The following BOLL variants were observed in gnomAD, a reference collection of about 807,000 sequenced individuals.
The protein encoded by BOLL is boule RNA binding protein.
BOLL carries 23 observed loss-of-function variants against 44.4 expected under a neutral mutation model. That is an observed-to-expected ratio of 0.52 (90% CI 0.37 to 0.73). The LOEUF (loss-of-function observed/expected upper bound fraction) is 0.73, where lower values mean the gene tolerates loss of function less well. Among genes scored for constraint, BOLL ranks in the 30% least tolerant of loss-of-function variants. BOLL has a pLI of 0.00. For missense variants in BOLL, 287 were observed against 338.3 expected (o/e 0.85, Z 1.19); for synonymous variants, 97 against 110.8 (o/e 0.88, Z 0.78).
In BOLL at chr2:197,779,028, A is replaced by G. The variant is rs781557034; in HGVS notation, c.168T>C (p.Tyr56=). 1.7e-5 allele frequency: 28 copies of G among 1,611,322 alleles called. No individual in the cohort carries two copies. In the South Asian group the frequency reaches 3.1e-4, roughly 18 times the overall value. ...ESDLRKFFSQ[Y]GSVKEVKIVN... Reference sequence around the variant, plus strand: ...CAATCTTCACTTCTTTCACAGACCCATACTGGGAAAAAAATTTTCTTAAAT... The same window carrying G: ...CAATCTTCACTTCTTTCACAGACCCGTACTGGGAAAAAAATTTTCTTAAAT... The change falls in exon 3 of 11, where the codon TAT becomes TAC. Residue 56 remains tyrosine, a synonymous_variant. Coordinates refer to ENST00000392296, the MANE Select transcript of BOLL (RefSeq NM_033030.6).
intron 1 of BOLL, chr2:197,784,608 T>A: frequency 1.9e-6 from 1 of 532,638 alleles, no homozygotes; most frequent in Non-Finnish European, 2.4e-6. Context: ...TTTTTTTGTA[T>A]TAGTAGAGAT....
intron 10 of BOLL, among the ~76,000 whole-genome samples, chr2:197,739,240 A>T (rs1438074821): frequency 6.6e-6 from 1 of 152,154 alleles, no homozygotes; most frequent in African/African-American, 2.4e-5. Context: ...CTCTAACAAA[A>T]GAGGAATTGG....
rs1686910805 is a variant in BOLL, at chr2:197,727,803, ATAAAT to A, written c.*747_*751del. ...CATATTTTATAAAATTTGATACCAA[ATAAAT>A]TATGTTATAGGAAGATTTCAATATT... On this transcript the variant is annotated 3_prime_UTR_variant, in exon 11 of 11. Transcript: ENST00000392296. 1 of 152,328 alleles carries A rather than the reference ATAAAT, an allele frequency of 6.6e-6. No homozygotes were observed. Among genetic ancestry groups the A allele is most frequent in the African/African-American group, 2.4e-5 (1 of 41,450 alleles). 9.4% of individuals were successfully genotyped at this position (152,328 alleles called of 1,614,324 possible).
Position 197,729,792 on chromosome 2 carries a change from C to G in BOLL, c.829-1214G>C, listed in dbSNP as rs1687061193. Among the ~76,000 whole-genome samples the G allele has an allele frequency of 1.3e-4, 19 of 151,484 alleles. No homozygotes were observed. The South Asian group carries it at 4.0e-3, about 32-fold the overall frequency. ...GAAAACTAACAAACAGAAAGGACAT[C>G]CACACCAAAAACCCATCTGTACATC... is the stretch of plus-strand genomic sequence containing the variant. On this transcript the variant is annotated intron_variant, in intron 10 of 10. Transcript: ENST00000392296.
chr2:197,781,359 A>G (rs1353974251), intron 2 of BOLL, among the ~76,000 whole-genome samples: 1 of 152,090 alleles, frequency 6.6e-6, no homozygotes, highest in African/African-American at 2.4e-5. Context: ...TCTCTTTTGA[A>G]AATTATAATA....
chr2:197,756,756 T>C (rs534015234), intron 8 of BOLL, among the ~76,000 whole-genome samples, 200 bp from the exon 9 acceptor site: 1 of 152,282 alleles, frequency 6.6e-6, no homozygotes, highest in African/African-American at 2.4e-5. Flanking sequence ...TTAAAGAATC[T>C]TATCATTGGT....
At chr2:197,755,850 A>C (rs1688493531) in intron 9 of BOLL, 2 of 152,250 alleles carry the variant, frequency 1.3e-5, no homozygotes, top group South Asian at 4.1e-4. Context: ...AGGTTTACCT[A>C]TGTAATAAAC....
chr2:197,785,369 G>A, upstream of BOLL: 1 of 985,694 alleles, frequency 1.0e-6, no homozygotes, highest in Non-Finnish European at 1.2e-6. This position sits in a 1 kb window ranked among gnomAD's most constrained non-coding sequence, Gnocchi z 6.7. Flanking sequence ...GCGGCGGGAC[G>A]GGGCGGGGCG....
rs962116173 is a variant in BOLL at position 197,774,766 on chromosome 2, TTTGA to T, written c.352+895_352+898del. 111 of 152,072 alleles carry T rather than the reference TTTGA, an allele frequency of 7.3e-4. 1 individual carries two copies. Among genetic ancestry groups the T allele is most frequent in the African/African-American group, 2.6e-3 (107 of 41,532 alleles). 9.4% of individuals were successfully genotyped at this position (152,072 alleles called of 1,614,324 possible). ...TTTTGTATTAACCTACTGAGGATAC[TTTGA>T]TTGTCTCCTAAATTAACAAATACTA... On this transcript the variant is annotated intron_variant, in intron 5 of 10. Coordinates refer to ENST00000392296, the MANE Select transcript of BOLL (RefSeq NM_033030.6).
intron 6 of BOLL, among the ~76,000 whole-genome samples, chr2:197,770,131 T>C (rs1228726152): frequency 6.6e-6 from 1 of 152,092 alleles, no homozygotes; most frequent in Non-Finnish European, 1.5e-5. Flanking sequence ...CAAAACAGCA[T>C]AGTACTGGTA....
At chr2:197,746,268 T>A (rs1276754844) in intron 9 of BOLL, among the ~76,000 whole-genome samples, 1 of 152,194 alleles carries the variant, frequency 6.6e-6, no homozygotes, top group Admixed American at 6.5e-5. Flanking sequence ...AATACTATCA[T>A]GTGATCTAGA....
At chr2:197,759,095 C>T (rs1410668244) in intron 7 of BOLL, 7 of 973,858 alleles carry the variant, frequency 7.2e-6, no homozygotes, top group Non-Finnish European at 1.1e-5. Context: ...CACCCCGCCA[C>T]AAGAAAAGAC....
At chr2:197,785,975 G>A (rs761420731), upstream of BOLL, 5 of 1,603,392 alleles carry the variant, frequency 3.1e-6, no homozygotes, top group Non-Finnish European at 2.6e-6. This position sits in a 1 kb window ranked among gnomAD's most constrained non-coding sequence, Gnocchi z 6.7. Context: ...CCTGATCGCC[G>A]TACTCACCGG....
Position 197,771,910 on chromosome 2 carries a change from T to C in BOLL, c.425A>G (p.Asn142Ser). The change falls in exon 6 of 11, where the codon AAT becomes AGT. Residue 142 changes from asparagine to serine, a missense_variant. Asn to Ser is a conservative substitution (Grantham distance 46). Coordinates refer to ENST00000392296, the MANE Select transcript of BOLL (RefSeq NM_033030.6). ...TSTGYPYTYH[N>S]GVAYFHTPEV... is the part of the protein sequence containing the mutation. ...TGGAGTATGAAAATAAGCAACACCA[T>C]TATGGTAAGTATAAGGATATCCAGT... is the stretch of plus-strand genomic sequence containing the variant. 4 of 1,599,712 alleles carry C rather than the reference T, an allele frequency of 2.5e-6. No homozygotes were observed. The highest frequency in any genetic ancestry group is 3.4e-6 in the Non-Finnish European group (4 of 1,171,398).
In BOLL at chr2:197,777,851, T is replaced by A. The variant is rs535499699; in HGVS notation, c.222-738A>T. On this transcript the variant is annotated intron_variant, in intron 3 of 10. Transcript: ENST00000392296. ...AAACTCTTCTGAGTAATGCTAAATATCTTCACTATTTTCTTCAATTCATAA... is the reference window on the plus strand; with the variant it reads ...AAACTCTTCTGAGTAATGCTAAATAACTTCACTATTTTCTTCAATTCATAA... Among the ~76,000 whole-genome samples, 11 of 152,044 alleles carry A rather than the reference T, an allele frequency of 7.2e-5. No individual in the cohort carries two copies. The East Asian group carries it at 1.9e-3, about 27-fold the overall frequency.
chr2:197,756,344 C>G, intron 9 of BOLL, 84 bp downstream of exon 9: 3 of 1,256,290 alleles, frequency 2.4e-6, no homozygotes, highest in Non-Finnish European at 3.1e-6. Context: ...CAATGAGGGT[C>G]GTGAACAAAT....
chr2:197,778,848 A>G (rs1372810118), intron 3 of BOLL, 127 bp downstream of exon 3: 2 of 656,558 alleles, frequency 3.0e-6, no homozygotes, highest in Admixed American at 3.1e-5. Flanking sequence ...ATCAAAAGGT[A>G]GGAGGAAAGA....
chr2:197,756,456 A>G lies in BOLL; in HGVS notation c.701T>C (p.Leu234Pro), dbSNP rs761963473. 26 of 1,611,488 alleles carry G rather than the reference A, an allele frequency of 1.6e-5. No homozygotes were observed. Among genetic ancestry groups the G allele is most frequent in the Non-Finnish European group, 1.9e-5 (22 of 1,178,474 alleles). The change falls in exon 9 of 11, where the codon CTG (leucine) becomes CCG (proline). Residue 234 changes from leucine (L) to proline (P), a missense_variant. Transcript: ENST00000392296. The part of the protein sequence containing the change: ...AQDGGCVPPP[L>P]SLMETSVPEP... ...TGGAACTGAAGTTTCCATCAGAGAC[A>G]GTGGAGGAGGAACACATCCACCATC...
At chr2:197,781,554 C>T (rs551488642) in intron 2 of BOLL, among the ~76,000 whole-genome samples, 168 bp downstream of exon 2, 1 of 152,172 alleles carries the variant, frequency 6.6e-6, no homozygotes, top group Non-Finnish European at 1.5e-5. Flanking sequence ...GTTTTTAATG[C>T]TTTATGTAAC....
Sources: allele counts gnomAD v4.1 joint callset (sites outside exome capture counted in the v4.1 genomes callset), GRCh38; gene constraint gnomAD v4.1.1; non-coding constraint Gnocchi (gnomAD v3.1); transcripts MANE v1.5; gene names NCBI Gene and HGNC (gene_info 2026-07-23, HGNC 2026-07-21).